BMPR1A: variants seen among roughly 807,000 people sequenced by gnomAD.
BMPR1A encodes the protein bone morphogenetic protein receptor type-1A.
BMPR1A carries 7 observed loss-of-function variants against 66.0 expected under a neutral mutation model. That is an observed-to-expected ratio of 0.11 (90% confidence interval 0.06 to 0.20). The LOEUF is 0.20. Among genes scored for constraint, BMPR1A ranks in the 10% least tolerant of loss-of-function variants. The pLI is 1.00. For synonymous variants in BMPR1A, 200 were observed against 229.7 expected, an observed-to-expected ratio of 0.87 and a Z score of 1.17; for missense variants, 408 against 669.1, an observed-to-expected ratio of 0.61 and a Z score of 4.31.
intron 1 of BMPR1A, among the ~76,000 whole-genome samples, chr10:86,837,628 C>T (rs1375247615): frequency 6.6e-6 from 1 of 152,068 alleles, no homozygotes; most frequent in Non-Finnish European, 1.5e-5. Flanking sequence ...CACTGAACAC[C>T]AACTCTTTAT....
chr10:86,840,574 C>CT (rs1427726516), intron 2 of BMPR1A, among the ~76,000 whole-genome samples: 4 of 151,922 alleles, frequency 2.6e-5, no homozygotes, highest in African/African-American at 9.7e-5. Flanking sequence ...GCAATTATCT[C>CT]TAAAATGATC....
intron 3 of BMPR1A, among the ~76,000 whole-genome samples, chr10:86,887,790 C>T (rs901944581): frequency 6.6e-6 from 1 of 152,230 alleles, no homozygotes; most frequent in African/African-American, 2.4e-5. Context: ...GATTTTAAAG[C>T]TGGTCAGGTT....
At chr10:86,875,730 A>AT in intron 2 of BMPR1A, 137 bp from the exon 3 acceptor site, 1 of 459,138 alleles carries the variant, frequency 2.2e-6, no homozygotes, top group South Asian at 2.8e-5. Context: ...AAAAAAAAAA[A>AT]GCAAGGATAC....
chr10:86,776,237 C>T (rs1423736660), intron 1 of BMPR1A, among the ~76,000 whole-genome samples: 2 of 152,130 alleles, frequency 1.3e-5, no homozygotes, highest in African/African-American at 4.8e-5. Flanking sequence ...GTGAGTATAA[C>T]AACTGCCCTA....
intron 2 of BMPR1A, among the ~76,000 whole-genome samples, chr10:86,874,709 CT>C (rs200991488): frequency 0.011 from 1,028 of 92,364 alleles, 1 homozygote; most frequent in African/African-American, 0.045. Flanking sequence ...ACCCGACCTT[CT>C]TTTTTTTTTT....
At chr10:86,902,769 G>A (rs548188866) in intron 7 of BMPR1A, among the ~76,000 whole-genome samples, 4 of 152,312 alleles carry the variant, frequency 2.6e-5, no homozygotes, top group South Asian at 4.1e-4. Flanking sequence ...GGCATCACAG[G>A]GGGAACCCAG....
At chr10:86,832,177 A>G (rs532946040) in intron 1 of BMPR1A, among the ~76,000 whole-genome samples, 1 of 152,262 alleles carries the variant, frequency 6.6e-6, no homozygotes, top group Admixed American at 6.5e-5. Context: ...ATTAGAAATC[A>G]TTGAAAAAGG....
intron 1 of BMPR1A, among the ~76,000 whole-genome samples, chr10:86,824,456 A>G (rs1842165467): frequency 6.6e-6 from 1 of 152,146 alleles, no homozygotes; most frequent in Non-Finnish European, 1.5e-5. Flanking sequence ...CACAGAGATG[A>G]GAACTTAAAT....
At chr10:86,880,327 C>T (rs758926992) in intron 3 of BMPR1A, among the ~76,000 whole-genome samples, 6 of 152,306 alleles carry the variant, frequency 3.9e-5, no homozygotes, top group South Asian at 2.1e-4. Context: ...TAGTGACCTC[C>T]GCTCTGAGGC....
Position 86,869,649 on chromosome 10 carries a change from C to T in BMPR1A, c.-152-6218C>T, listed in dbSNP as rs188480568. ...GCGCATGCCTGTAATCTCAGCTACT[C>T]GGGATGCTGAGGCGGGAGAATCGCT... is the stretch of plus-strand genomic sequence containing the variant. On this transcript the variant is annotated intron_variant, in intron 2 of 12. Transcript: ENST00000372037. Among the ~76,000 whole-genome samples, 17 of 151,714 alleles carry T rather than the reference C, an allele frequency of 1.1e-4. No individual in the cohort carries two copies. The East Asian group carries it at 1.2e-3, about 10-fold the overall frequency.
intron 7 of BMPR1A, among the ~76,000 whole-genome samples, chr10:86,909,956 C>T (rs1378054000): frequency 6.6e-6 from 1 of 152,192 alleles, no homozygotes; most frequent in East Asian, 1.9e-4. Flanking sequence ...ATCAAAGTTC[C>T]AAATTCAGTA....
intron 3 of BMPR1A, among the ~76,000 whole-genome samples, chr10:86,876,295 G>A (rs186820655): frequency 1.2e-3 from 184 of 152,314 alleles, no homozygotes; most frequent in African/African-American, 4.3e-3. Flanking sequence ...ATCTCAGTCT[G>A]AGTCTGTCTT....
At chr10:86,764,780 G>A (rs945025573) in intron 1 of BMPR1A, among the ~76,000 whole-genome samples, 3 of 152,192 alleles carry the variant, frequency 2.0e-5, no homozygotes, top group African/African-American at 7.2e-5. Flanking sequence ...GGCTGTTGAA[G>A]ACTTGAACTG....
At chr10:86,914,930 T>C (rs959258832) in intron 8 of BMPR1A, among the ~76,000 whole-genome samples, 7 of 152,220 alleles carry the variant, frequency 4.6e-5, no homozygotes, top group Non-Finnish European at 8.8e-5. Flanking sequence ...GTTTTATTTA[T>C]AATAGACATA....
intron 1 of BMPR1A, among the ~76,000 whole-genome samples, chr10:86,759,029 T>C (rs1473951527): frequency 6.6e-6 from 1 of 152,226 alleles, no homozygotes; most frequent in Non-Finnish European, 1.5e-5. Flanking sequence ...TAGTTAAATA[T>C]AATTGTGATT....
chr10:86,902,110 T>C (rs1311962177), intron 7 of BMPR1A, among the ~76,000 whole-genome samples: 1 of 152,144 alleles, frequency 6.6e-6, no homozygotes, highest in East Asian at 1.9e-4. Context: ...TCCACCCACC[T>C]CGCCCTCCCA....
At chr10:86,825,982 T>G (rs567550552) in intron 1 of BMPR1A, among the ~76,000 whole-genome samples, 2 of 152,310 alleles carry the variant, frequency 1.3e-5, no homozygotes, top group South Asian at 4.1e-4. Flanking sequence ...TGTTAAAAAT[T>G]TATAAATCGA....
chr10:86,760,248 CTT>C lies in BMPR1A; in HGVS notation c.-268+3351_-268+3352del, dbSNP rs60211336. ...TTTTTCTTTCTTTCTTTCTTTCTTT[CTT>C]TTTTTTTTTTTTTTTTTTTTTGATA... On this transcript the variant is annotated intron_variant, in intron 1 of 12. Coordinates refer to ENST00000372037, the MANE Select transcript of BMPR1A (RefSeq NM_004329.3). Among the ~76,000 whole-genome samples, 13 of 17,022 alleles carry C rather than the reference CTT, an allele frequency of 7.6e-4. No homozygotes were observed. In the East Asian group the frequency reaches 0.023, roughly 30 times the overall value. 11.2% of individuals were successfully genotyped at this position (17,022 alleles called of 152,430 possible).
At chr10:86,900,510 G>A (rs893320709) in intron 7 of BMPR1A, among the ~76,000 whole-genome samples, 5 of 150,040 alleles carry the variant, frequency 3.3e-5, no homozygotes, top group Non-Finnish European at 5.9e-5. Context: ...GAAGACAGTT[G>A]CCAAAAAAGA....
Sources: allele counts gnomAD v4.1 joint callset (sites outside exome capture counted in the v4.1 genomes callset), GRCh38; gene constraint gnomAD v4.1.1; transcripts MANE v1.5; gene names NCBI Gene and HGNC (gene_info 2026-07-23, HGNC 2026-07-21).